CCDC127: variants seen among roughly 807,000 people sequenced by gnomAD.
The protein encoded by CCDC127 is coiled-coil domain containing 127.
In CCDC127, 2 loss-of-function variants were observed where a neutral mutation model predicts 4.1. The observed-to-expected ratio is 0.49, with a 90% CI of 0.20 to 1.53. The LOEUF is 1.53. CCDC127 is among the 40% of genes most tolerant of loss of function. CCDC127 has a pLI of 0.23. For missense variants in CCDC127, 271 were observed against 322.9 expected, an observed-to-expected ratio of 0.84 and a Z score of 1.23; for synonymous variants, 98 against 120.4, an observed-to-expected ratio of 0.81 and a Z score of 1.22.
Position 202,179 on chromosome 5 carries a change from C to T in CCDC127, c.*3118G>A, listed in dbSNP as rs774835929. The T allele has an allele frequency of 6.6e-6, 1 of 152,270 alleles. No individual in the cohort carries two copies. The highest frequency in any genetic ancestry group is 2.4e-5 in the African/African-American group (1 of 41,480). 9.4% of individuals were successfully genotyped at this position (152,270 alleles called of 1,614,324 possible). A position where few individuals can be genotyped will look rare whatever the true frequency, so the allele number is the denominator to read the frequency against. On this transcript the variant is annotated 3_prime_UTR_variant, in exon 3 of 3. Transcript: ENST00000296824. Reference sequence around the variant, plus strand: ...AATGGCACAGCACCGTGTAACTATTCCAAACCGACCACAATCCATTTCAAA... The same window carrying T: ...AATGGCACAGCACCGTGTAACTATTTCAAACCGACCACAATCCATTTCAAA...
chr5:211,343 G>C (rs4956997), intron 2 of CCDC127, among the ~76,000 whole-genome samples: 1,765 of 17,072 alleles, frequency 0.1, no homozygotes, highest in Non-Finnish European at 0.15. Context: ...ACACCCATCA[G>C]GATGGGGCAG....
chr5:213,788 C>CT (rs112073027), intron 2 of CCDC127: 50,860 of 152,042 alleles, frequency 0.33, 10,181 homozygotes, highest in African/African-American at 0.55. Context: ...CATTTCAGCC[C>CT]TTCTTAAAAA....
At chr5:216,928 C>CAGCAAGCACATAG in intron 1 of CCDC127, 69 bp from the exon 2 acceptor site, 3 of 836,616 alleles carry the variant, frequency 3.6e-6, no homozygotes, top group Non-Finnish European at 5.6e-6. Flanking sequence ...TAACTATGTG[C>CAGCAAGCACATAG]TTGCTGCACA....
rs1268297859 is a variant in CCDC127, at chr5:202,744, A to C, written c.*2553T>G. ...GGATGAGGATTAACAATTTGCCTCG[A>C]AAATCATTCACCTACAAAGCAGCTG... On this transcript the variant is annotated 3_prime_UTR_variant, in exon 3 of 3. Transcript: ENST00000296824. 6.6e-6 allele frequency: 1 copy of C among 152,260 alleles called. No homozygotes were observed. The highest frequency in any genetic ancestry group is 1.5e-5 in the Non-Finnish European group (1 of 68,064). 9.4% of individuals were successfully genotyped at this position (152,260 alleles called of 1,614,324 possible).
rs1734105398 is a variant in CCDC127 at position 203,217 on chromosome 5, GAC to G, written c.*2078_*2079del. 1 of 152,202 alleles carries G rather than the reference GAC, an allele frequency of 6.6e-6. No individual in the cohort carries two copies. Among genetic ancestry groups the G allele is most frequent in the Non-Finnish European group, 1.5e-5 (1 of 68,076 alleles). 9.4% of individuals were successfully genotyped at this position (152,202 alleles called of 1,614,324 possible). A position where few individuals can be genotyped will look rare whatever the true frequency, so the allele number is the denominator to read the frequency against. On this transcript the variant is annotated 3_prime_UTR_variant, in exon 3 of 3. Coordinates refer to ENST00000296824, the MANE Select transcript of CCDC127 (RefSeq NM_145265.3). ...CACACCACTGCACTCCTGCCTGGGT[GAC>G]AGAGATTCCCTCTCAAAAAAAATAA...
rs959588585 is a variant in CCDC127, at chr5:196,949, C to T, written c.*8348G>A. ...ACTGGCACCGGCCTCTGAGTTCCCT[C>T]AGTTTTTATTATTATTTTCATTATT... On this transcript the variant is annotated 3_prime_UTR_variant, in exon 3 of 3. Coordinates refer to ENST00000296824, the MANE Select transcript of CCDC127 (RefSeq NM_145265.3). 5.4e-5 allele frequency: 3 copies of T among 55,296 alleles called. No individual in the cohort carries two copies. The highest frequency in any genetic ancestry group is 5.7e-5 in the Non-Finnish European group (1 of 17,546). The allele number at this position is 55,296 out of a possible 1,614,324, so 3.4% of individuals were successfully genotyped here. A position where few individuals can be genotyped will look rare whatever the true frequency, so the allele number is the denominator to read the frequency against.
At position 205,353 on chromosome 5, in the gene CCDC127, G is replaced by C. The variant is rs778847026; in HGVS notation, c.727C>G (p.Leu243Val). The C allele has an allele frequency of 2.2e-5, 36 of 1,613,920 alleles. No individual in the cohort carries two copies. In the Admixed American group the frequency reaches 5.0e-4, roughly 22 times the overall value. ...LMWLYLKYWE[L>V]VVELKKFKRV... ...TTAAACTTCTTCAGTTCGACAACGA[G>C]TTCCCAGTATTTGAGATAGAGCCAC... is the stretch of plus-strand genomic sequence containing the variant. The change falls in exon 3 of 3, where the codon CTC becomes GTC. Residue 243 changes from leucine (L) to valine (V), a missense_variant. By Grantham distance (32) the Leu-to-Val change is conservative. Coordinates refer to ENST00000296824, the MANE Select transcript of CCDC127 (RefSeq NM_145265.3).
Position 203,773 on chromosome 5 carries a change from G to C in CCDC127, c.*1524C>G, listed in dbSNP as rs1279896978. The C allele has an allele frequency of 2.0e-5, 3 of 152,248 alleles. No individual in the cohort carries two copies. Among genetic ancestry groups the C allele is most frequent in the Non-Finnish European group, 2.9e-5 (2 of 68,086 alleles). 9.4% of individuals were successfully genotyped at this position (152,248 alleles called of 1,614,324 possible). A position where few individuals can be genotyped will look rare whatever the true frequency, so the allele number is the denominator to read the frequency against. ...AGAAAAGGTGCCCGGGCTCAGACTGGCTCCAACACTACTACCTGCGTGACC... is the reference window on the plus strand; with the variant it reads ...AGAAAAGGTGCCCGGGCTCAGACTGCCTCCAACACTACTACCTGCGTGACC... On this transcript the variant is annotated 3_prime_UTR_variant, in exon 3 of 3. Coordinates refer to ENST00000296824, the MANE Select transcript of CCDC127 (RefSeq NM_145265.3).
rs553039381 is a variant in CCDC127 at position 197,106 on chromosome 5, A to G, written c.*8191T>C. ...CTATGCCTGGACGTGCACGTAGGCC[A>G]GATTTATGTTTCTCTCCACCCAAAC... On this transcript the variant is annotated 3_prime_UTR_variant, in exon 3 of 3. Coordinates refer to ENST00000296824, the MANE Select transcript of CCDC127 (RefSeq NM_145265.3). 153 of 152,254 alleles carry G rather than the reference A, an allele frequency of 1.0e-3. 1 individual carries two copies. Among genetic ancestry groups the G allele is most frequent in the African/African-American group, 3.0e-3 (126 of 41,524 alleles). The allele number at this position is 152,254 out of a possible 1,614,324, so 9.4% of individuals were successfully genotyped here.
rs745992846 is a variant in CCDC127 at position 205,542 on chromosome 5, G to A, written c.538C>T (p.Arg180Cys). 13 of 1,614,064 alleles carry A rather than the reference G, an allele frequency of 8.1e-6. No individual in the cohort carries two copies. Among genetic ancestry groups the A allele is most frequent in the Admixed American group, 1.7e-5 (1 of 60,036 alleles). ...QNIYCSLFLP[R>C]SKRLEIEKSL... ...TTCTCTATCTCCAGCCGCTTGCTGC[G>A]AGGAAGAAACAGACTGCAGTAGATA... Residue 180 changes from arginine to cysteine, a missense_variant, in exon 3 of 3, where the codon CGC (arginine) becomes TGC (cysteine). By Grantham distance (180) the Arg-to-Cys change is radical. This residue lies in a region of CCDC127 where 265 missense variants were observed against 270.9 expected (regional missense o/e 0.98). Transcript: ENST00000296824.
rs778062381 is a variant in CCDC127, at chr5:205,762, A to T, written c.318T>A (p.Leu106=). ...QNRTASYREA[L]ISQGRKLVEE... ...CTACCAACTTGCGTCCCTGAGAGAT[A>T]AGGGCTTCTCGGTAACTAGCAGTTC... The change falls in exon 3 of 3, where the codon CTT becomes CTA. Residue 106 remains leucine, a synonymous_variant. Transcript: ENST00000296824. The T allele has an allele frequency of 6.2e-7, 1 of 1,614,032 alleles. No individual in the cohort carries two copies. Among genetic ancestry groups the T allele is most frequent in the Non-Finnish European group, 8.5e-7 (1 of 1,180,028 alleles).
Position 205,788 on chromosome 5 carries a change from T to C in CCDC127, c.292A>G (p.Arg98Gly). ...LSLELEKEQN[R>G]TASYREALIS... The stretch of plus-strand genomic sequence containing the variant: ...AGGGCTTCTCGGTAACTAGCAGTTC[T>C]GTTTTGTTCCTTTTCGAGTTCCAAG... The change falls in exon 3 of 3, where the codon AGA becomes GGA. Residue 98 changes from arginine (R) to glycine (G), a missense_variant. Arg to Gly is a moderately radical substitution (Grantham distance 125). Transcript: ENST00000296824. 6.2e-7 allele frequency: 1 copy of C among 1,614,226 alleles called. No individual in the cohort carries two copies. Among genetic ancestry groups the C allele is most frequent in the Non-Finnish European group, 8.5e-7 (1 of 1,180,048 alleles).
rs758611075 is a variant in CCDC127 at position 205,743 on chromosome 5, A to G, written c.337T>C (p.Leu113=). The part of the protein sequence containing the change: ...REALISQGRK[L]VEEKKLLEQE... ...TCCAGAAGCTTCTTTTCTTCTACCA[A>G]CTTGCGTCCCTGAGAGATAAGGGCT... Residue 113 remains leucine (L), a synonymous_variant, in exon 3 of 3, where the codon TTG becomes CTG. Transcript: ENST00000296824. The G allele has an allele frequency of 3.1e-6, 5 of 1,613,328 alleles. No individual in the cohort carries two copies. In the Admixed American group the frequency reaches 8.3e-5, roughly 27 times the overall value.
Position 205,658 on chromosome 5 carries a change from T to A in CCDC127, c.422A>T (p.Tyr141Phe). The A allele has an allele frequency of 6.2e-7, 1 of 1,614,196 alleles. No individual in the cohort carries two copies. ...KRQVQPLRSAYLSCLQREENW... is the reference protein window; with the variant it reads ...KRQVQPLRSAFLSCLQREENW... ...TTCTTCCCTTTGCAGGCAGCTCAAA[T>A]ACGCACTTCTCAAAGGCTGCACCTG... The change falls in exon 3 of 3, where the codon TAT (tyrosine) becomes TTT (phenylalanine). Residue 141 changes from tyrosine to phenylalanine, a missense_variant. Physicochemically the swap from Tyr to Phe is conservative, Grantham distance 22. Transcript: ENST00000296824.
At chr5:206,648 C>T (rs1734178745) in intron 2 of CCDC127, among the ~76,000 whole-genome samples, 1 of 152,200 alleles carries the variant, frequency 6.6e-6, no homozygotes, top group African/African-American at 2.4e-5. Context: ...ACCCTTTGTC[C>T]ATCCCACAAG....
chr5:205,478 G>C lies in CCDC127; in HGVS notation c.602C>G (p.Ala201Gly), dbSNP rs1402481340. Residue 201 changes from alanine to glycine, a missense_variant, in exon 3 of 3, where the codon GCT (alanine) becomes GGT (glycine). This residue lies in a region of CCDC127 where 265 missense variants were observed against 270.9 expected (regional missense o/e 0.98). Transcript: ENST00000296824. ...GAGACCGGCTGCCATCTCTAGGTCA[G>C]CGGCGACGGGGTCGACGGACGCTCG... ...LVRASVDPVA[A>G]DLEMAAGLTD... 1.2e-6 allele frequency: 2 copies of C among 1,614,086 alleles called. No homozygotes were observed. Among genetic ancestry groups the C allele is most frequent in the Non-Finnish European group, 1.7e-6 (2 of 1,179,918 alleles).
Position 205,724 on chromosome 5 carries a change from A to C in CCDC127, c.356T>G (p.Leu119Arg). The change falls in exon 3 of 3, where the codon CTT becomes CGT. Residue 119 changes from leucine (L) to arginine (R), a missense_variant. Coordinates refer to ENST00000296824, the MANE Select transcript of CCDC127 (RefSeq NM_145265.3). ...CACCTGGGCCCGTTCCTGTTCCAGA[A>C]GCTTCTTTTCTTCTACCAACTTGCG... ...QGRKLVEEKK[L>R]LEQERAQVMQ... 1 of 1,614,032 alleles carries C rather than the reference A, an allele frequency of 6.2e-7. No individual in the cohort carries two copies. Among genetic ancestry groups the C allele is most frequent in the Non-Finnish European group, 8.5e-7 (1 of 1,179,996 alleles).
chr5:214,564 G>A (rs987675778), intron 2 of CCDC127: 2 of 152,200 alleles, frequency 1.3e-5, no homozygotes, highest in Non-Finnish European at 2.9e-5. Flanking sequence ...AGAAGACTGA[G>A]AGAAAAGGGG....
chr5:208,218 G>A (rs549254745), intron 2 of CCDC127, among the ~76,000 whole-genome samples: 9 of 152,292 alleles, frequency 5.9e-5, no homozygotes, highest in Middle Eastern at 3.4e-3. Flanking sequence ...TGTAAAACAA[G>A]ATGACTCTGA....
Sources: allele counts gnomAD v4.1 joint callset (sites outside exome capture counted in the v4.1 genomes callset), GRCh38; gene constraint gnomAD v4.1.1; regional missense constraint gnomAD v4.1.1; transcripts MANE v1.5; gene names NCBI Gene and HGNC (gene_info 2026-07-23, HGNC 2026-07-21).